The following LDLRAD4 variants were observed in gnomAD, a reference collection of about 807,000 sequenced individuals.
The protein encoded by LDLRAD4 is low-density lipoprotein receptor class A domain-containing protein 4.
In LDLRAD4, 5 loss-of-function variants were observed where a neutral mutation model predicts 17.0. That is an observed-to-expected ratio of 0.29 (90% CI 0.15 to 0.62). LDLRAD4 has a LOEUF of 0.62. Among genes scored for constraint, LDLRAD4 ranks in the 20% least tolerant of loss-of-function variants. The pLI is 0.84. For missense variants in LDLRAD4, 340 were observed against 424.7 expected (o/e 0.80, Z 1.75); for synonymous variants, 168 against 171.8 (o/e 0.98, Z 0.17).
chr18:13,645,538 C>T lies in LDLRAD4; in HGVS notation c.802C>T (p.Leu268Phe), dbSNP rs2042976860. The T allele has an allele frequency of 6.2e-7, 1 of 1,610,910 alleles. No homozygotes were observed. The highest frequency in any genetic ancestry group is 8.5e-7 in the Non-Finnish European group (1 of 1,178,626). ...GGGCCACCACCCAGGCGCCTCTTTC[C>T]TCCATCACCAGCGCAGCAACGCACA... Residue 268 changes from leucine to phenylalanine, a missense_variant, in exon 6 of 6, where the codon CTC becomes TTC. Leu to Phe is a conservative substitution (Grantham distance 22, BLOSUM62 0). Transcript: ENST00000359446. This position sits in a 1 kb window ranked among gnomAD's most constrained non-coding sequence, Gnocchi z 5.7.
chr18:13,231,041 A>G (rs2042045621), intron 1 of LDLRAD4, among the ~76,000 whole-genome samples: 1 of 152,140 alleles, frequency 6.6e-6, no homozygotes, highest in South Asian at 2.1e-4. Flanking sequence ...AAGAATGGAG[A>G]CTTGTAATCT....
intron 3 of LDLRAD4, among the ~76,000 whole-genome samples, chr18:13,602,457 A>G (rs917280866): frequency 6.6e-6 from 1 of 150,516 alleles, no homozygotes; most frequent in Admixed American, 6.6e-5. Context: ...GATGGGGGGA[A>G]TTTTATCAGA....
At chr18:13,328,482 C>A (rs1038412841) in intron 1 of LDLRAD4, among the ~76,000 whole-genome samples, 3 of 152,206 alleles carry the variant, frequency 2.0e-5, no homozygotes, top group Non-Finnish European at 4.4e-5. Flanking sequence ...GCTACACTTC[C>A]CAGCCTGTCA....
intron 4 of LDLRAD4, among the ~76,000 whole-genome samples, chr18:13,639,049 G>A (rs2042306846): frequency 6.6e-6 from 1 of 152,230 alleles, no homozygotes; most frequent in Non-Finnish European, 1.5e-5. Flanking sequence ...CAGCCTGTAT[G>A]AAGTTATTAA....
chr18:13,267,895 T>G (rs73417395), intron 1 of LDLRAD4, among the ~76,000 whole-genome samples: 3,399 of 152,284 alleles, frequency 0.022, 113 homozygotes, highest in African/African-American at 0.07. Flanking sequence ...TTTCTTTTTC[T>G]TTTAAAACAA....
rs1194759869 is a variant in LDLRAD4, at chr18:13,621,260, G to A, written c.325G>A (p.Gly109Arg). ...GAACCAGAGCCGGAGGCGGGAGGACGGGCTGCCGCAGGTGAGTACCCTGGC... is the reference window on the plus strand; with the variant it reads ...GAACCAGAGCCGGAGGCGGGAGGACAGGCTGCCGCAGGTGAGTACCCTGGC... Residue 109 changes from glycine to arginine, a missense_variant, in exon 4 of 6, where the codon GGG becomes AGG. By Grantham distance (125) the Gly-to-Arg change is moderately radical (BLOSUM62 -2). Coordinates refer to ENST00000359446, the Ensembl canonical transcript of LDLRAD4. This position sits in a 1 kb window ranked among gnomAD's most constrained non-coding sequence, Gnocchi z 5.5. 4.3e-6 allele frequency: 7 copies of A among 1,612,274 alleles called. No individual in the cohort carries two copies. Among genetic ancestry groups the A allele is most frequent in the East Asian group, 2.2e-5 (1 of 44,892 alleles).
At chr18:13,561,096 T>A (rs1376523586) in intron 3 of LDLRAD4, among the ~76,000 whole-genome samples, 5 of 152,096 alleles carry the variant, frequency 3.3e-5, no homozygotes, top group Non-Finnish European at 7.3e-5. Context: ...TATGTAAAGC[T>A]CCCCAGTTAC....
intron 3 of LDLRAD4, chr18:13,612,729 A>C (rs1601710974): frequency 6.2e-7 from 1 of 1,613,984 alleles, no homozygotes; most frequent in East Asian, 2.2e-5. Flanking sequence ...CCTGAACAAC[A>C]GCACACTGAA....
chr18:13,289,082 T>C (rs1330020823), intron 1 of LDLRAD4, among the ~76,000 whole-genome samples: 2 of 152,204 alleles, frequency 1.3e-5, no homozygotes, highest in African/African-American at 4.8e-5. Flanking sequence ...TGGGACTCTG[T>C]TCCTCTTTGC....
At chr18:13,420,970 G>A (rs757105224) in intron 2 of LDLRAD4, 4 of 152,252 alleles carry the variant, frequency 2.6e-5, no homozygotes, top group Admixed American at 6.5e-5. Flanking sequence ...CCCAGCTGTG[G>A]TAATGGGATG....
intron 2 of LDLRAD4, among the ~76,000 whole-genome samples, chr18:13,426,855 T>G (rs2089974522): frequency 6.6e-6 from 1 of 152,184 alleles, no homozygotes; most frequent in African/African-American, 2.4e-5. Context: ...TGGGTGTTTA[T>G]GTAGCCCACG....
chr18:13,603,729 T>C (rs1368182554), intron 3 of LDLRAD4, among the ~76,000 whole-genome samples: 1 of 152,252 alleles, frequency 6.6e-6, no homozygotes, highest in Non-Finnish European at 1.5e-5. Context: ...CATCCGTCAC[T>C]GGTGCCTTCA....
At chr18:13,574,589 C>T (rs1161585571) in intron 3 of LDLRAD4, among the ~76,000 whole-genome samples, 1 of 152,216 alleles carries the variant, frequency 6.6e-6, no homozygotes, top group African/African-American at 2.4e-5. Context: ...TCAGGGTTAA[C>T]TTTCCTCGCT....
chr18:13,591,960 T>A (rs749958996), intron 3 of LDLRAD4, among the ~76,000 whole-genome samples: 1 of 152,196 alleles, frequency 6.6e-6, no homozygotes, highest in Non-Finnish European at 1.5e-5. Flanking sequence ...AGTCACGTAA[T>A]TTACAGACAG....
intron 2 of LDLRAD4, among the ~76,000 whole-genome samples, chr18:13,401,517 C>T (rs1346358979): frequency 6.6e-6 from 1 of 152,064 alleles, no homozygotes; most frequent in Non-Finnish European, 1.5e-5. Context: ...GTGAGAGGAG[C>T]AGGTTGGGGG....
chr18:13,374,168 C>T (rs1420288838), intron 1 of LDLRAD4, among the ~76,000 whole-genome samples: 5 of 152,224 alleles, frequency 3.3e-5, no homozygotes, highest in Admixed American at 6.5e-5. Flanking sequence ...CCACATAGGT[C>T]GTCTCTTGGG....
At chr18:13,547,663 G>A (rs1298293574) in intron 3 of LDLRAD4, among the ~76,000 whole-genome samples, 3 of 152,228 alleles carry the variant, frequency 2.0e-5, no homozygotes, top group Non-Finnish European at 4.4e-5. Context: ...TCCTTGCTGT[G>A]GCTGGACCAG....
intron 3 of LDLRAD4, among the ~76,000 whole-genome samples, chr18:13,529,580 A>G (rs2094095465): frequency 1.3e-5 from 2 of 152,244 alleles, no homozygotes; most frequent in African/African-American, 4.8e-5. Flanking sequence ...GATGGGATCT[A>G]TCAAGTGACT....
At chr18:13,507,325 A>T (rs1380748576) in intron 3 of LDLRAD4, among the ~76,000 whole-genome samples, 1 of 151,916 alleles carries the variant, frequency 6.6e-6, no homozygotes, top group African/African-American at 2.4e-5. Flanking sequence ...CCTCCTCCCA[A>T]CTTCCCCGCG....
Sources: gnomAD v4.1 joint callset for allele counts (sites outside exome capture counted in the v4.1 genomes callset) on GRCh38, gnomAD v4.1.1 for gene constraint, Gnocchi (gnomAD v3.1) non-coding constraint, MANE v1.5 for transcripts, NCBI Gene and HGNC (gene_info 2026-07-23, HGNC 2026-07-21) for gene names.